Variants in ZNG1A observed in about 807,000 individuals in gnomAD.
The protein encoded by ZNG1A is zinc-regulated GTPase metalloprotein activator 1A.
the ZNG1A span, among the ~76,000 whole-genome samples, chr9:170,379 G>C: frequency 1.4e-5 from 2 of 147,438 alleles, no homozygotes; most frequent in African/African-American, 2.6e-5. Context: ...GTGTGTGTGC[G>C]CATGTGCATG....
the ZNG1A span, chr9:175,815 A>T: frequency 4.6e-5 from 28 of 609,570 alleles, no homozygotes; most frequent in Non-Finnish European, 8.0e-5. Context: ...AAATAAAAAA[A>T]TTCAAAATAA....
chr9:178,948 C>T, the ZNG1A span: 59 of 1,104,704 alleles, frequency 5.3e-5, 6 homozygotes, highest in African/African-American at 8.2e-4. Context: ...TCCTCATCCG[C>T]AGATCCAACA....
At chr9:126,498 G>C in the ZNG1A span, among the ~76,000 whole-genome samples, 1 of 151,966 alleles carries the variant, frequency 6.6e-6, no homozygotes, top group Non-Finnish European at 1.5e-5. Flanking sequence ...TGCATGTAAA[G>C]GTGTTCATGG....
At chr9:148,931 TC>T in the ZNG1A span, 1 of 148,972 alleles carries the variant, frequency 6.7e-6, no homozygotes, top group Non-Finnish European at 1.5e-5. Context: ...CACCAGCCAA[TC>T]CAAGTATCCA....
the ZNG1A span, among the ~76,000 whole-genome samples, chr9:176,640 C>G: frequency 6.6e-6 from 1 of 151,814 alleles, no homozygotes; most frequent in Non-Finnish European, 1.5e-5. Context: ...CTTTAGGAAG[C>G]TCAACATCAC....
At chr9:170,838 AT>A in the ZNG1A span, among the ~76,000 whole-genome samples, 1 of 147,454 alleles carries the variant, frequency 6.8e-6, no homozygotes, top group African/African-American at 2.5e-5. Flanking sequence ...AAACATTAAC[AT>A]TTTTTATAAC....
At chr9:161,002 G>C in the ZNG1A span, among the ~76,000 whole-genome samples, 1 of 150,346 alleles carries the variant, frequency 6.7e-6, no homozygotes, top group Non-Finnish European at 1.5e-5. Flanking sequence ...CATAAATTGA[G>C]ATTTTAAACT....
the ZNG1A span, among the ~76,000 whole-genome samples, chr9:127,497 C>T: frequency 2.6e-5 from 4 of 152,166 alleles, no homozygotes; most frequent in African/African-American, 9.7e-5. Context: ...AGAATGGCTA[C>T]TCCTGCTCAC....
chr9:130,031 T>C, the ZNG1A span, among the ~76,000 whole-genome samples: 368 of 144,888 alleles, frequency 2.5e-3, 2 homozygotes, highest in Non-Finnish European at 4.0e-3. Context: ...TGTATGGAAA[T>C]AATAACGCAA....
chr9:140,111 T>G, the ZNG1A span, among the ~76,000 whole-genome samples: 1 of 150,656 alleles, frequency 6.6e-6, no homozygotes, highest in Admixed American at 6.6e-5. Flanking sequence ...TGCCCAGGCT[T>G]GATTAGGTAA....
chr9:132,384 A>G, the ZNG1A span, among the ~76,000 whole-genome samples: 1 of 109,022 alleles, frequency 9.2e-6, no homozygotes, highest in African/African-American at 3.7e-5. Flanking sequence ...AAAATTAGCT[A>G]GGCATGGTGG....
chr9:177,610 G>A, the ZNG1A span: 85 of 1,524,244 alleles, frequency 5.6e-5, no homozygotes, highest in Non-Finnish European at 6.8e-5. Flanking sequence ...TTCAAAAAGG[G>A]AAAATGGTCA....
At chr9:142,871 G>A in the ZNG1A span, among the ~76,000 whole-genome samples, 11 of 97,950 alleles carry the variant, frequency 1.1e-4, 1 homozygote, top group African/African-American at 4.3e-4. Context: ...TATCACCACC[G>A]ATCCCACAGA....
chr9:143,498 T>A, the ZNG1A span, among the ~76,000 whole-genome samples: 15 of 90,276 alleles, frequency 1.7e-4, 1 homozygote, highest in Non-Finnish European at 2.5e-4. Flanking sequence ...TCAACAACCC[T>A]TCATGCTAAA....
At chr9:173,736 C>G in the ZNG1A span, among the ~76,000 whole-genome samples, 1 of 151,954 alleles carries the variant, frequency 6.6e-6, no homozygotes, top group Non-Finnish European at 1.5e-5. Flanking sequence ...TTTTGTATGC[C>G]CTTCAACCTC....
At chr9:126,654 GC>G in the ZNG1A span, among the ~76,000 whole-genome samples, 1 of 151,906 alleles carries the variant, frequency 6.6e-6, no homozygotes, top group South Asian at 2.1e-4. Flanking sequence ...CAAAGAACCA[GC>G]TTTTTGTTTC....
At chr9:128,239 G>C in the ZNG1A span, among the ~76,000 whole-genome samples, 1 of 148,110 alleles carries the variant, frequency 6.8e-6, no homozygotes, top group African/African-American at 2.5e-5. Context: ...GCAAAGCTGG[G>C]GAAGTTTTCC....
chr9:170,587 T>C, the ZNG1A span, among the ~76,000 whole-genome samples: 3 of 149,748 alleles, frequency 2.0e-5, no homozygotes, highest in African/African-American at 5.0e-5. Flanking sequence ...GATTTCACCA[T>C]GTTGGCTAGG....
At chr9:163,935 A>T in the ZNG1A span, 1,239 of 1,549,932 alleles carry the variant, frequency 8.0e-4, 48 homozygotes, top group African/African-American at 0.013. Flanking sequence ...CAGAAAAAAA[A>T]AAAAAAACAA....
Sources: allele counts gnomAD v4.1 joint callset (sites outside exome capture counted in the v4.1 genomes callset), GRCh38; gene constraint gnomAD v4.1.1; transcripts MANE v1.5; gene names NCBI Gene and HGNC (gene_info 2026-07-23, HGNC 2026-07-21).